The following CCDC192 variants were observed in gnomAD, a reference collection of about 807,000 sequenced individuals.
CCDC192 encodes coiled-coil domain containing 192.
intron 2 of CCDC192, among the ~76,000 whole-genome samples, chr5:127,727,370 GC>G (rs1752388168): frequency 1.3e-5 from 2 of 152,116 alleles, no homozygotes; most frequent in Admixed American, 1.3e-4. Context: ...TACTCAGGAG[GC>G]TGAAGCAGGA....
intron 6 of CCDC192, among the ~76,000 whole-genome samples, chr5:127,937,096 G>A (rs930310494): frequency 1.3e-5 from 2 of 152,174 alleles, no homozygotes; most frequent in Non-Finnish European, 2.9e-5. Context: ...ATTTAGAAAT[G>A]GAACAAAATA....
chr5:127,762,737 A>C (rs1452651179), intron 3 of CCDC192, among the ~76,000 whole-genome samples: 2 of 152,150 alleles, frequency 1.3e-5, no homozygotes, highest in African/African-American at 4.8e-5. Flanking sequence ...ATGCCTTAAG[A>C]GTCATGGCTC....
chr5:127,870,495 C>A (rs1423031203), intron 5 of CCDC192, among the ~76,000 whole-genome samples: 1 of 152,190 alleles, frequency 6.6e-6, no homozygotes, highest in African/African-American at 2.4e-5. Context: ...AATAAAAAGA[C>A]CTTGGTTCAA....
chr5:127,746,659 G>A (rs1753763818), intron 2 of CCDC192, among the ~76,000 whole-genome samples: 2 of 150,210 alleles, frequency 1.3e-5, no homozygotes, highest in Admixed American at 1.3e-4. Flanking sequence ...GAAATTACTG[G>A]AACCATCAGG....
intron 5 of CCDC192, among the ~76,000 whole-genome samples, chr5:127,800,086 T>C (rs553868983): frequency 6.6e-6 from 1 of 152,022 alleles, no homozygotes; most frequent in Non-Finnish European, 1.5e-5. Flanking sequence ...GATTTTGCTA[T>C]TACAACTTGC....
chr5:127,826,993 A>C (rs1049282804), intron 5 of CCDC192, among the ~76,000 whole-genome samples: 1 of 152,170 alleles, frequency 6.6e-6, no homozygotes, highest in Non-Finnish European at 1.5e-5. Flanking sequence ...GAAATCAAAT[A>C]GTAAAACTTG....
At chr5:127,764,457 A>G (rs962657482) in intron 3 of CCDC192, among the ~76,000 whole-genome samples, 1 of 152,198 alleles carries the variant, frequency 6.6e-6, no homozygotes, top group Non-Finnish European at 1.5e-5. Context: ...TTACCCAACT[A>G]TCTTATGTTA....
At chr5:127,820,323 T>A (rs1749225210) in intron 5 of CCDC192, among the ~76,000 whole-genome samples, 1 of 152,268 alleles carries the variant, frequency 6.6e-6, no homozygotes, top group Non-Finnish European at 1.5e-5. Flanking sequence ...GGCTCACGCC[T>A]GTAATCCCAG....
At chr5:127,860,546 T>C (rs1751312040) in intron 5 of CCDC192, among the ~76,000 whole-genome samples, 2 of 152,170 alleles carry the variant, frequency 1.3e-5, no homozygotes, top group South Asian at 2.1e-4. Flanking sequence ...CCTTGTTTAA[T>C]TTATAGGTTT....
chr5:127,724,549 T>C (rs924330689), intron 2 of CCDC192, among the ~76,000 whole-genome samples: 4 of 151,990 alleles, frequency 2.6e-5, no homozygotes, highest in Non-Finnish European at 5.9e-5. Flanking sequence ...AATTGGTTTG[T>C]GGTTTAAAAA....
chr5:127,896,002 A>T (rs1752869403), intron 6 of CCDC192, among the ~76,000 whole-genome samples: 1 of 152,212 alleles, frequency 6.6e-6, no homozygotes, highest in Admixed American at 6.5e-5. Flanking sequence ...ATGTTAACAT[A>T]CATAAGAGTC....
intron 3 of CCDC192, among the ~76,000 whole-genome samples, chr5:127,779,495 CTGTG>C (rs143030153): frequency 0.05 from 7,657 of 152,008 alleles, 645 homozygotes; most frequent in African/African-American, 0.18. Context: ...CGGGGTTTCA[CTGTG>C]TTAGCCGGGA....
At chr5:127,817,416 T>C (rs1749077155) in intron 5 of CCDC192, among the ~76,000 whole-genome samples, 1 of 152,174 alleles carries the variant, frequency 6.6e-6, no homozygotes, top group South Asian at 2.1e-4. Context: ...GATGAATGGA[T>C]AAACAAAATG....
At chr5:127,814,948 G>T (rs1423094121) in intron 5 of CCDC192, among the ~76,000 whole-genome samples, 2 of 151,864 alleles carry the variant, frequency 1.3e-5, no homozygotes, top group Non-Finnish European at 2.9e-5. Context: ...TCTCTGATGG[G>T]TTTTTTTTAT....
chr5:127,848,605 C>T (rs1750665045), intron 5 of CCDC192, among the ~76,000 whole-genome samples: 1 of 152,202 alleles, frequency 6.6e-6, no homozygotes, highest in Admixed American at 6.5e-5. Flanking sequence ...CTGCCACTCA[C>T]CTTGGCCTAT....
chr5:127,736,723 G>T (rs2126828863), intron 2 of CCDC192, among the ~76,000 whole-genome samples: 1 of 151,282 alleles, frequency 6.6e-6, no homozygotes, highest in South Asian at 2.1e-4. Context: ...GCATAGAGGT[G>T]TTTGTAGTAT....
chr5:127,854,658 C>T (rs1750979778), intron 5 of CCDC192, among the ~76,000 whole-genome samples: 1 of 152,138 alleles, frequency 6.6e-6, no homozygotes, highest in Non-Finnish European at 1.5e-5. Context: ...CTGAGCACCA[C>T]ACTCATATAG....
chr5:127,901,306 A>C lies in CCDC192; in HGVS notation c.535+25645A>C, dbSNP rs145565033. Among the ~76,000 whole-genome samples the C allele has an allele frequency of 6.6e-3, 1,000 of 152,354 alleles. 7 individuals are homozygous for C. The highest frequency in any genetic ancestry group is 0.011 in the Non-Finnish European group (749 of 68,026). On this transcript the variant is annotated intron_variant, in intron 6 of 6. Transcript: ENST00000514853. ...AAAAAATTATTCCTAAATAATAATCATCAATGATTTGCAGTTATTTTGAAT... is the reference window on the plus strand; with the variant it reads ...AAAAAATTATTCCTAAATAATAATCCTCAATGATTTGCAGTTATTTTGAAT...
In CCDC192 at chr5:127,743,357, T is replaced by A. The variant is rs557502718; in HGVS notation, c.115-10911T>A. 5.9e-5 allele frequency among the ~76,000 whole-genome samples: 9 copies of A among 152,342 alleles called. No individual in the cohort carries two copies. In the East Asian group the frequency reaches 1.7e-3, roughly 29 times the overall value. On this transcript the variant is annotated intron_variant, in intron 2 of 6. Coordinates refer to ENST00000514853, the MANE Select transcript of CCDC192 (RefSeq NM_001317938.2). ...TTCCTTTAATCTTACCCACACCTTC[T>A]AAATCATCCCTTCGTTTAACTCTCC...
Sources: gnomAD v4.1 joint callset for allele counts (sites outside exome capture counted in the v4.1 genomes callset) on GRCh38, gnomAD v4.1.1 for gene constraint, MANE v1.5 for transcripts, NCBI Gene and HGNC (gene_info 2026-07-23, HGNC 2026-07-21) for gene names.